PCDH7: variants seen among roughly 807,000 people sequenced by gnomAD.
The protein encoded by PCDH7 is protocadherin 7, also known as protocadherin-7.
In PCDH7, 17 loss-of-function variants were observed where a neutral mutation model predicts 58.9. The observed-to-expected ratio is 0.29, with a 90% confidence interval of 0.20 to 0.43. The LOEUF is 0.43. Among genes scored for constraint, PCDH7 ranks in the 20% least tolerant of loss-of-function variants. PCDH7 has a pLI of 1.00. For synonymous variants in PCDH7, 664 were observed against 616.4 expected (o/e 1.08, Z -1.14); for missense variants, 1,274 against 1,441.0 (o/e 0.88, Z 1.88).
rs1578880593 is a variant in PCDH7, at chr4:31,131,885, T to C, written c.*8-10588T>C. ...AAGAAAAATGCATGGGTGTCATATTTATTACATTAAAAAAATTAGGATTAC... is the reference window on the plus strand; with the variant it reads ...AAGAAAAATGCATGGGTGTCATATTCATTACATTAAAAAAATTAGGATTAC... On this transcript the variant is annotated intron_variant, in intron 3 of 3. Transcript: ENST00000509759. 2.6e-5 allele frequency among the ~76,000 whole-genome samples: 4 copies of C among 152,172 alleles called. No homozygotes were observed. The East Asian group carries it at 7.7e-4, about 29-fold the overall frequency.
intron 1 of PCDH7, among the ~76,000 whole-genome samples, chr4:30,897,650 T>A (rs1040370295): frequency 1.8e-4 from 27 of 152,230 alleles, no homozygotes; most frequent in African/African-American, 6.5e-4. Flanking sequence ...ACAGAAGTTA[T>A]GTGAATGAAT....
chr4:30,859,951 A>C (rs1368533258), intron 1 of PCDH7, among the ~76,000 whole-genome samples: 1 of 152,150 alleles, frequency 6.6e-6, no homozygotes, highest in Non-Finnish European at 1.5e-5. Context: ...AATAAAAGTA[A>C]ACTTTTCATG....
intron 1 of PCDH7, among the ~76,000 whole-genome samples, chr4:30,817,460 A>G (rs1248417618): frequency 2.0e-5 from 3 of 152,210 alleles, no homozygotes; most frequent in Non-Finnish European, 2.9e-5. Context: ...TTTGTTTCTT[A>G]ATTTGTCCTT....
chr4:30,801,386 C>G (rs1725503206), intron 1 of PCDH7, among the ~76,000 whole-genome samples: 1 of 151,874 alleles, frequency 6.6e-6, no homozygotes. Flanking sequence ...AGGCAGAATG[C>G]TAATCTTGAT....
intron 3 of PCDH7, among the ~76,000 whole-genome samples, chr4:31,089,480 A>G (rs971445220): frequency 6.6e-6 from 1 of 151,930 alleles, no homozygotes; most frequent in Non-Finnish European, 1.5e-5. Context: ...AAGATTGTAA[A>G]TTAATCTCTG....
chr4:30,744,081 T>C (rs79560492), intron 1 of PCDH7, among the ~76,000 whole-genome samples: 5,523 of 152,232 alleles, frequency 0.036, 260 homozygotes, highest in East Asian at 0.22. Context: ...TTTTCTTTCC[T>C]CAGTGGCATC....
intron 1 of PCDH7, among the ~76,000 whole-genome samples, chr4:30,860,453 A>G (rs1734056040): frequency 2.0e-5 from 3 of 151,980 alleles, no homozygotes; most frequent in Non-Finnish European, 2.9e-5. Context: ...AGCATCAGCC[A>G]TATTTTCAAA....
At chr4:30,955,717 T>G (rs1454305815) in intron 3 of PCDH7, among the ~76,000 whole-genome samples, 1 of 151,542 alleles carries the variant, frequency 6.6e-6, no homozygotes, top group Non-Finnish European at 1.5e-5. Context: ...CCTGGCTAAT[T>G]TTTTTATTTT....
intron 1 of PCDH7, among the ~76,000 whole-genome samples, chr4:30,835,277 C>T (rs923504837): frequency 6.6e-6 from 1 of 152,100 alleles, no homozygotes; most frequent in Non-Finnish European, 1.5e-5. Flanking sequence ...GGCCACACAG[C>T]AGGAGGTGAG....
chr4:31,082,924 T>C (rs189357232), intron 3 of PCDH7, among the ~76,000 whole-genome samples: 4,298 of 152,080 alleles, frequency 0.028, 204 homozygotes, highest in African/African-American at 0.095. Flanking sequence ...CTGGCTAACA[T>C]GGTGAAACCC....
chr4:30,888,471 G>A (rs972275333), intron 1 of PCDH7, among the ~76,000 whole-genome samples: 1 of 152,160 alleles, frequency 6.6e-6, no homozygotes, highest in Non-Finnish European at 1.5e-5. Context: ...GATATTTATA[G>A]ACTAGAAGAG....
chr4:31,134,445 C>T (rs1161857586), intron 3 of PCDH7, among the ~76,000 whole-genome samples: 1 of 152,084 alleles, frequency 6.6e-6, no homozygotes, highest in African/African-American at 2.4e-5. Context: ...GGTGACAGAG[C>T]TAGACTCCAT....
At chr4:31,060,103 A>G (rs986262351) in intron 3 of PCDH7, among the ~76,000 whole-genome samples, 1 of 151,884 alleles carries the variant, frequency 6.6e-6, no homozygotes, top group Admixed American at 6.6e-5. Context: ...AGAAATTTAT[A>G]CAAATGTGGC....
At chr4:31,039,022 C>T (rs1276748049) in intron 3 of PCDH7, among the ~76,000 whole-genome samples, 2 of 152,066 alleles carry the variant, frequency 1.3e-5, no homozygotes, top group Non-Finnish European at 2.9e-5. Flanking sequence ...TAACACCTCC[C>T]CATAAGTGCA....
intron 3 of PCDH7, among the ~76,000 whole-genome samples, chr4:31,096,359 G>A (rs1313712427): frequency 6.6e-6 from 1 of 151,980 alleles, no homozygotes; most frequent in Non-Finnish European, 1.5e-5. Flanking sequence ...ATAGAAAGTT[G>A]GGTCACTGGA....
At chr4:30,736,539 T>TA (rs1553875700), downstream of PCDH7, among the ~76,000 whole-genome samples, 23 of 138,422 alleles carry the variant, frequency 1.7e-4, no homozygotes, top group South Asian at 1.1e-3. Context: ...TCATTTATTT[T>TA]TTTTTTTTTT....
intron 1 of PCDH7, among the ~76,000 whole-genome samples, chr4:30,828,914 G>T (rs1190709670): frequency 6.6e-6 from 1 of 151,622 alleles, no homozygotes; most frequent in African/African-American, 2.4e-5. Context: ...ATTTGCAATT[G>T]TCATTTGACT....
chr4:31,016,161 T>G (rs922444785), intron 3 of PCDH7, among the ~76,000 whole-genome samples: 8 of 152,210 alleles, frequency 5.3e-5, no homozygotes, highest in African/African-American at 1.9e-4. Flanking sequence ...GTAACAGCTA[T>G]TAATGACCAA....
chr4:31,039,717 C>G (rs1755693361), intron 3 of PCDH7, among the ~76,000 whole-genome samples: 2 of 152,134 alleles, frequency 1.3e-5, no homozygotes. Flanking sequence ...AACTGGAAGA[C>G]TTATGTTTTT....
Sources: allele counts gnomAD v4.1 joint callset (sites outside exome capture counted in the v4.1 genomes callset), GRCh38; gene constraint gnomAD v4.1.1; transcripts MANE v1.5; gene names NCBI Gene and HGNC (gene_info 2026-07-23, HGNC 2026-07-21).